Variants in TRPM3 observed in about 807,000 individuals in gnomAD.
TRPM3 encodes the protein transient receptor potential cation channel subfamily M member 3, also known as long transient receptor potential channel 3.
TRPM3 carries 77 observed loss-of-function variants against 181.2 expected under a neutral mutation model. The ratio of observed to expected loss-of-function variants is 0.42; its 90% CI spans 0.35 to 0.51. The LOEUF is 0.51. Ranked by LOEUF, TRPM3 falls within the 20% of genes least tolerant of loss-of-function variation. The pLI, the probability that TRPM3 is intolerant of heterozygous loss-of-function variation, is 0.01. For missense variants in TRPM3, 1,759 were observed against 2,196.7 expected, an observed-to-expected ratio of 0.80 and a Z score of 3.98; for synonymous variants, 745 against 796.4, an observed-to-expected ratio of 0.94 and a Z score of 1.09.
intron 9 of TRPM3, among the ~76,000 whole-genome samples, chr9:70,668,944 C>T (rs2134038114): frequency 6.6e-6 from 1 of 152,318 alleles, no homozygotes; most frequent in African/African-American, 2.4e-5. Context: ...CATAGCCCTG[C>T]TGGGAAGTCG....
At chr9:71,343,070 A>T (rs1250882178) in intron 1 of TRPM3, among the ~76,000 whole-genome samples, 1 of 152,046 alleles carries the variant, frequency 6.6e-6, no homozygotes. Context: ...AGAGAATTAT[A>T]TAGGTTTTCT....
At chr9:71,095,909 A>G (rs1484823747) in intron 1 of TRPM3, among the ~76,000 whole-genome samples, 1 of 152,118 alleles carries the variant, frequency 6.6e-6, no homozygotes, top group Non-Finnish European at 1.5e-5. Context: ...CAGAGTGGAC[A>G]TGGAGTTTTC....
chr9:71,050,474 A>G (rs1227528165), intron 1 of TRPM3, among the ~76,000 whole-genome samples: 1 of 152,230 alleles, frequency 6.6e-6, no homozygotes, highest in Non-Finnish European at 1.5e-5. Flanking sequence ...AAATCACAAG[A>G]AAACCAAAGT....
intron 9 of TRPM3, among the ~76,000 whole-genome samples, chr9:70,641,055 C>T (rs1335381185): frequency 6.6e-6 from 1 of 152,100 alleles, no homozygotes; most frequent in Non-Finnish European, 1.5e-5. Flanking sequence ...ATTTTCCCAC[C>T]CCCATCCTTC....
intron 22 of TRPM3, among the ~76,000 whole-genome samples, chr9:70,590,678 G>C (rs2057967278): frequency 6.6e-6 from 1 of 152,186 alleles, no homozygotes; most frequent in Admixed American, 6.5e-5. Context: ...GAGGTAGGGA[G>C]GTAGTGACAT....
At chr9:71,021,974 G>T (rs1179565036) in intron 1 of TRPM3, among the ~76,000 whole-genome samples, 1 of 152,126 alleles carries the variant, frequency 6.6e-6, no homozygotes, top group Admixed American at 6.5e-5. Context: ...ACAAGTAAAA[G>T]GTGTTGCTTA....
chr9:70,814,028 C>T lies in TRPM3; in HGVS notation c.973+13819G>A, dbSNP rs1490475320. On this transcript the variant is annotated intron_variant, in intron 6 of 25. Transcript: ENST00000677713. ...AGCATTACAGATGCACCAGCAAATA[C>T]AGTAGAGAAAGCGCTTAATAAAAAG... Among the ~76,000 whole-genome samples, 6 of 152,120 alleles carry T rather than the reference C, an allele frequency of 3.9e-5. No homozygotes were observed. The East Asian group carries it at 5.8e-4, about 15-fold the overall frequency.
intron 11 of TRPM3, among the ~76,000 whole-genome samples, chr9:70,637,006 C>A (rs893665016): frequency 3.3e-5 from 5 of 152,132 alleles, no homozygotes; most frequent in Non-Finnish European, 7.4e-5. Flanking sequence ...CTGTTGCAAC[C>A]ATTCAAGTAT....
At chr9:71,357,145 C>T (rs1425864159) in intron 1 of TRPM3, among the ~76,000 whole-genome samples, 1 of 152,092 alleles carries the variant, frequency 6.6e-6, no homozygotes, top group East Asian at 1.9e-4. Flanking sequence ...TGGGGGAAAA[C>T]AATTATTAAA....
chr9:70,804,815 C>A (rs931697488), intron 6 of TRPM3, among the ~76,000 whole-genome samples: 1 of 152,120 alleles, frequency 6.6e-6, no homozygotes, highest in Non-Finnish European at 1.5e-5. Context: ...TAGCCCTTAC[C>A]ACTATTCAAT....
chr9:71,189,958 A>T (rs935377133), intron 1 of TRPM3, among the ~76,000 whole-genome samples: 12 of 151,928 alleles, frequency 7.9e-5, no homozygotes, highest in Non-Finnish European at 1.5e-4. Flanking sequence ...ATTTATCTGC[A>T]GCCTATAGCA....
intron 1 of TRPM3, among the ~76,000 whole-genome samples, chr9:71,318,393 A>T (rs1184487114): frequency 6.6e-6 from 1 of 152,194 alleles, no homozygotes; most frequent in Non-Finnish European, 1.5e-5. Flanking sequence ...TACATTGGGG[A>T]TGAACTTTTA....
intron 8 of TRPM3, among the ~76,000 whole-genome samples, chr9:70,758,486 A>C (rs558871311): frequency 3.7e-4 from 56 of 152,326 alleles, no homozygotes; most frequent in Middle Eastern, 3.4e-3. Flanking sequence ...ACTACTTTTA[A>C]TTTCATATGG....
chr9:70,890,696 ATGTT>A (rs909240404), intron 1 of TRPM3, among the ~76,000 whole-genome samples: 4 of 152,134 alleles, frequency 2.6e-5, no homozygotes, highest in African/African-American at 9.7e-5. Context: ...AAATAAATAA[ATGTT>A]AGTTCCTAAA....
At chr9:70,876,394 A>G (rs909776478) in intron 1 of TRPM3, among the ~76,000 whole-genome samples, 1 of 151,260 alleles carries the variant, frequency 6.6e-6, no homozygotes, top group Non-Finnish European at 1.5e-5. Context: ...GTAGGTATAA[A>G]GAATTTTAGT....
chr9:71,257,910 C>T (rs1214983060), intron 1 of TRPM3, among the ~76,000 whole-genome samples: 2 of 152,132 alleles, frequency 1.3e-5, no homozygotes, highest in Non-Finnish European at 2.9e-5. Flanking sequence ...ATTTCTTTAT[C>T]AGATATGCAA....
intron 1 of TRPM3, among the ~76,000 whole-genome samples, chr9:71,235,377 T>C (rs1464235931): frequency 6.6e-6 from 1 of 152,214 alleles, no homozygotes; most frequent in African/African-American, 2.4e-5. Flanking sequence ...TTACGCTTTA[T>C]TGTCTGTCTC....
chr9:71,098,669 G>C (rs79280820), intron 1 of TRPM3, among the ~76,000 whole-genome samples: 1,705 of 152,208 alleles, frequency 0.011, 37 homozygotes, highest in African/African-American at 0.037. Flanking sequence ...TAAAATTCTA[G>C]ATAACTCCCA....
intron 1 of TRPM3, among the ~76,000 whole-genome samples, chr9:71,090,518 C>T (rs1002568422): frequency 6.6e-6 from 1 of 152,168 alleles, no homozygotes; most frequent in Admixed American, 6.6e-5. Context: ...ATGCCCTCAT[C>T]TGTATCAAGG....
Sources: gnomAD v4.1 joint callset for allele counts (sites outside exome capture counted in the v4.1 genomes callset) on GRCh38, gnomAD v4.1.1 for gene constraint, MANE v1.5 for transcripts, NCBI Gene and HGNC (gene_info 2026-07-23, HGNC 2026-07-21) for gene names.